NRXN3: variants seen among roughly 807,000 people sequenced by gnomAD.
NRXN3 encodes neurexin 3.
A neutral mutation model predicts 137.6 loss-of-function variants in NRXN3; 32 were observed. That is an observed-to-expected ratio of 0.23 (90% CI 0.18 to 0.31). The LOEUF (loss-of-function observed/expected upper bound fraction) is 0.31, where lower values mean the gene tolerates loss of function less well. Among genes scored for constraint, NRXN3 ranks in the 10% least tolerant of loss-of-function variants. NRXN3 has a pLI of 1.00. For synonymous variants in NRXN3, 798 were observed against 784.5 expected (o/e 1.02, Z -0.29); for missense variants, 1,574 against 2,062.5 (o/e 0.76, Z 4.59).
intron 19 of NRXN3, among the ~76,000 whole-genome samples, chr14:79,749,005 T>C (rs915894006): frequency 6.6e-6 from 1 of 152,094 alleles, no homozygotes; most frequent in Non-Finnish European, 1.5e-5. Flanking sequence ...ATGGTATTTT[T>C]TTTAATATTG....
At chr14:78,254,998 G>T (rs1451853326) in intron 2 of NRXN3, among the ~76,000 whole-genome samples, 4 of 151,948 alleles carry the variant, frequency 2.6e-5, no homozygotes, top group African/African-American at 9.7e-5. Context: ...GCACTGTTGG[G>T]CAGAAGTCTC....
intron 1 of NRXN3, among the ~76,000 whole-genome samples, chr14:78,233,688 CAAAAAA>C (rs10673907): frequency 2.6e-5 from 3 of 117,626 alleles, no homozygotes; most frequent in African/African-American, 6.3e-5. Flanking sequence ...AAGTATGCTT[CAAAAAA>C]AAAAAAAAAA....
At chr14:78,796,243 G>A (rs2098821392) in intron 8 of NRXN3, among the ~76,000 whole-genome samples, 2 of 152,194 alleles carry the variant, frequency 1.3e-5, no homozygotes, top group Admixed American at 1.3e-4. Flanking sequence ...GTTCCATGCT[G>A]GGAAGGGCAA....
chr14:79,705,930 A>G (rs1486377367), intron 19 of NRXN3, among the ~76,000 whole-genome samples: 1 of 152,218 alleles, frequency 6.6e-6, no homozygotes, highest in Non-Finnish European at 1.5e-5. Context: ...CACAGTGCCT[A>G]GAACAGTAGC....
At chr14:78,532,298 G>C (rs1190344263) in intron 4 of NRXN3, among the ~76,000 whole-genome samples, 2 of 150,228 alleles carry the variant, frequency 1.3e-5, no homozygotes, top group African/African-American at 4.9e-5. Context: ...TCCAGCCTGG[G>C]CAATAAGAGC....
In NRXN3 at chr14:78,907,902, C is replaced by G. The variant is rs376441484; in HGVS notation, c.2276-49340C>G. ...GAGAGAACATGTGGTATTTGGTTTTCTGTTCCTGCATTAGTTTGCTAAGGA... is the reference window on the plus strand; with the variant it reads ...GAGAGAACATGTGGTATTTGGTTTTGTGTTCCTGCATTAGTTTGCTAAGGA... On this transcript the variant is annotated intron_variant, in intron 10 of 20. Coordinates refer to ENST00000335750, the MANE Select transcript of NRXN3 (RefSeq NM_001330195.2). Among the ~76,000 whole-genome samples the G allele has an allele frequency of 5.9e-5, 9 of 152,202 alleles. No individual in the cohort carries two copies. In the East Asian group the frequency reaches 1.7e-3, roughly 29 times the overall value.
intron 11 of NRXN3, 29 bp downstream of exon 11, chr14:78,957,390 G>C: frequency 1.3e-6 from 2 of 1,586,726 alleles, no homozygotes; most frequent in Non-Finnish European, 1.7e-6. Context: ...AAATTCGTCT[G>C]TCTTTTCTCT....
At chr14:78,885,362 A>G (rs114146299) in intron 10 of NRXN3, among the ~76,000 whole-genome samples, 2,586 of 152,026 alleles carry the variant, frequency 0.017, 77 homozygotes, top group African/African-American at 0.059. Flanking sequence ...AGAGAGTTTC[A>G]TGTTGTATAA....
intron 15 of NRXN3, among the ~76,000 whole-genome samples, chr14:79,177,701 G>A (rs1462672345): frequency 6.6e-6 from 1 of 152,156 alleles, no homozygotes; most frequent in East Asian, 1.9e-4. Flanking sequence ...TGATCTTGTA[G>A]CATTTGAGGA....
chr14:79,518,162 C>T (rs779219681), intron 16 of NRXN3, among the ~76,000 whole-genome samples: 2 of 152,040 alleles, frequency 1.3e-5, no homozygotes, highest in Non-Finnish European at 2.9e-5. Flanking sequence ...GCTTCAGCCT[C>T]CCAAAGTGTT....
intron 15 of NRXN3, among the ~76,000 whole-genome samples, chr14:79,438,512 G>A (rs1305344098): frequency 6.6e-6 from 1 of 152,064 alleles, no homozygotes; most frequent in East Asian, 1.9e-4. Context: ...ACTGATGTTT[G>A]TCTGCCTATG....
At chr14:78,897,995 C>T (rs1481804817) in intron 10 of NRXN3, among the ~76,000 whole-genome samples, 3 of 151,862 alleles carry the variant, frequency 2.0e-5, no homozygotes, top group Non-Finnish European at 2.9e-5. Flanking sequence ...TGTTAGAGAA[C>T]GTATTCTGCC....
At chr14:79,320,294 T>C (rs1289772813) in intron 15 of NRXN3, among the ~76,000 whole-genome samples, 2 of 152,212 alleles carry the variant, frequency 1.3e-5, no homozygotes, top group Admixed American at 6.5e-5. Flanking sequence ...TTGCAGGAAA[T>C]GCTATCAGTA....
intron 16 of NRXN3, among the ~76,000 whole-genome samples, chr14:79,635,322 T>C (rs962278421): frequency 6.6e-6 from 1 of 152,202 alleles, no homozygotes; most frequent in Non-Finnish European, 1.5e-5. Flanking sequence ...GATCGGACTT[T>C]GATGGTGGGA....
At chr14:79,289,988 C>T (rs1339926808) in intron 15 of NRXN3, among the ~76,000 whole-genome samples, 2 of 152,108 alleles carry the variant, frequency 1.3e-5, no homozygotes, top group Non-Finnish European at 2.9e-5. Context: ...TACTGTCCTG[C>T]CCTCCCTTTT....
intron 15 of NRXN3, among the ~76,000 whole-genome samples, chr14:79,326,416 A>G (rs2090882698): frequency 6.6e-6 from 1 of 152,182 alleles, no homozygotes; most frequent in Non-Finnish European, 1.5e-5. Context: ...TATAGTAAAG[A>G]AGCAAGGCTA....
chr14:79,608,624 C>T (rs533114250), intron 16 of NRXN3, among the ~76,000 whole-genome samples: 49 of 152,334 alleles, frequency 3.2e-4, no homozygotes, highest in African/African-American at 1.2e-3. Context: ...GCTAGGTTAG[C>T]TGCCAGCCGG....
intron 15 of NRXN3, among the ~76,000 whole-genome samples, chr14:79,438,922 C>G (rs946887656): frequency 1.3e-5 from 2 of 152,374 alleles, no homozygotes; most frequent in South Asian, 4.1e-4. Flanking sequence ...GATTTGATAT[C>G]TGTTGTAGAT....
chr14:78,946,177 C>T (rs1478553633), intron 10 of NRXN3, among the ~76,000 whole-genome samples: 1 of 152,108 alleles, frequency 6.6e-6, no homozygotes, highest in East Asian at 1.9e-4. Flanking sequence ...GTCTGGTGGT[C>T]TATTATTAAC....
Sources: gnomAD v4.1 joint callset for allele counts (sites outside exome capture counted in the v4.1 genomes callset) on GRCh38, gnomAD v4.1.1 for gene constraint, MANE v1.5 for transcripts, NCBI Gene and HGNC (gene_info 2026-07-23, HGNC 2026-07-21) for gene names.